Variants in SP100 observed in about 807,000 individuals in gnomAD.
The protein encoded by SP100 is SP100 nuclear body protein.
SP100 carries 84 observed loss-of-function variants against 130.0 expected under a neutral mutation model. The observed-to-expected ratio is 0.65, with a 90% confidence interval of 0.54 to 0.77. SP100 has a LOEUF of 0.77. SP100 is among the 30% of genes least tolerant of loss of function. The pLI is 0.00. For synonymous variants in SP100, 331 were observed against 351.7 expected (o/e 0.94, Z 0.66); for missense variants, 978 against 1,052.2 (o/e 0.93, Z 0.97).
intron 17 of SP100, among the ~76,000 whole-genome samples, chr2:230,487,672 C>T (rs374037599): frequency 3.9e-5 from 6 of 152,006 alleles, no homozygotes; most frequent in Admixed American, 2.0e-4. Flanking sequence ...TTCTTTGATT[C>T]CAAATGAAAT....
intron 24 of SP100, 128 bp from the exon 25 acceptor site, chr2:230,539,139 C>G: frequency 1.7e-6 from 1 of 600,970 alleles, no homozygotes; most frequent in Non-Finnish European, 3.0e-6. Context: ...TCTGAGATCT[C>G]CACTCAGCAA....
intron 17 of SP100, among the ~76,000 whole-genome samples, chr2:230,476,847 G>A (rs1467638868): frequency 6.6e-6 from 1 of 152,016 alleles, no homozygotes; most frequent in Admixed American, 6.6e-5. Flanking sequence ...AATGCTCTGT[G>A]TTTCTTTGTT....
chr2:230,493,683 G>A (rs763451224), intron 17 of SP100: 1 of 150,388 alleles, frequency 6.6e-6, no homozygotes, highest in African/African-American at 2.5e-5. Flanking sequence ...CTTAAGTTCT[G>A]GCTGTTATAA....
At chr2:230,502,585 A>G (rs2067097918) in intron 19 of SP100, among the ~76,000 whole-genome samples, 1 of 152,202 alleles carries the variant, frequency 6.6e-6, no homozygotes, top group Admixed American at 6.5e-5. Flanking sequence ...CTGGCATACA[A>G]CAAGCACTGA....
chr2:230,503,229 CG>C, intron 20 of SP100, 119 bp downstream of exon 20: 1 of 607,158 alleles, frequency 1.6e-6, no homozygotes, highest in Middle Eastern at 4.7e-4. Flanking sequence ...GGAGCCTTAA[CG>C]TTGACCAGCA....
chr2:230,418,143 T>C (rs781167473), intron 2 of SP100, among the ~76,000 whole-genome samples: 128 of 152,322 alleles, frequency 8.4e-4, no homozygotes, highest in Non-Finnish European at 1.6e-3. Context: ...TATTCTTACA[T>C]TGGAGCCACT....
intron 2 of SP100, among the ~76,000 whole-genome samples, chr2:230,441,799 T>C (rs908279646): frequency 7.2e-5 from 11 of 152,064 alleles, no homozygotes; most frequent in African/African-American, 2.7e-4. Context: ...AACACATCAG[T>C]TTTTGGCTCT....
At position 230,464,146 on chromosome 2, in the gene SP100, A is replaced by G; in HGVS notation, c.1137A>G (p.Val379=). The change falls in exon 11 of 29, where the codon GTA becomes GTG. Residue 379 remains valine, a synonymous_variant. Coordinates refer to ENST00000340126, the MANE Select transcript of SP100 (RefSeq NM_001080391.2). The part of the protein sequence containing the change: ...QEATCSRPQI[V]PEPMDFRKLS... ...CCACTTGCTCACGACCCCAGATTGT[A>G]CCAGGTAAGAATATTAGAGTTGCAA... The G allele has an allele frequency of 6.3e-7, 1 of 1,598,710 alleles. No homozygotes were observed. Among genetic ancestry groups the G allele is most frequent in the East Asian group, 2.2e-5 (1 of 44,814 alleles).
chr2:230,472,427 CAAAAA>C (rs201703163), intron 15 of SP100, among the ~76,000 whole-genome samples: 1 of 61,330 alleles, frequency 1.6e-5, no homozygotes, highest in African/African-American at 8.4e-5. Flanking sequence ...GACTCCGTCT[CAAAAA>C]AAAAAAAAAA....
chr2:230,469,743 T>G, intron 14 of SP100: 1 of 1,300,214 alleles, frequency 7.7e-7, no homozygotes, highest in Admixed American at 2.9e-5. Context: ...CCCAATGAAA[T>G]GGATGATTTA....
At chr2:230,481,604 A>C (rs1381891979) in intron 17 of SP100, among the ~76,000 whole-genome samples, 1 of 152,108 alleles carries the variant, frequency 6.6e-6, no homozygotes, top group Admixed American at 6.5e-5. Flanking sequence ...TGCCCACTAG[A>C]ACCTATTCTC....
Position 230,498,511 on chromosome 2 carries a change from C to T in SP100, c.1696C>T (p.Gln566Ter), listed in dbSNP as rs1166856179. ...ACATTTAACTCTGAATAACAAAGTCCAAAAGAAAAGATGGCAACAAAGAGG... is the reference window on the plus strand; with the variant it reads ...ACATTTAACTCTGAATAACAAAGTCTAAAAGAAAAGATGGCAACAAAGAGG... ...RKHLTLNNKV[Q>*]KKRWQQRGRK... The change falls in exon 19 of 29, where the codon CAA becomes TAA. Residue 566 changes from glutamine to a stop codon, truncating the protein, a stop_gained. Coordinates refer to ENST00000340126, the MANE Select transcript of SP100 (RefSeq NM_001080391.2). LOFTEE classifies it high-confidence loss of function. The T allele has an allele frequency of 6.8e-7, 1 of 1,476,544 alleles. No individual in the cohort carries two copies. The highest frequency in any genetic ancestry group is 8.9e-7 in the Non-Finnish European group (1 of 1,117,734). 91.5% of individuals were successfully genotyped at this position (1,476,544 alleles called of 1,614,324 possible).
At chr2:230,539,479 A>T in intron 25 of SP100, 97 bp downstream of exon 25, 1 of 796,646 alleles carries the variant, frequency 1.3e-6, no homozygotes, top group South Asian at 1.5e-5. Context: ...GTACCTGGTT[A>T]TGTGTTTCTT....
chr2:230,441,759 G>A (rs572895875), intron 2 of SP100, among the ~76,000 whole-genome samples: 14 of 152,204 alleles, frequency 9.2e-5, no homozygotes, highest in African/African-American at 3.1e-4. Context: ...TGACGGGCAG[G>A]GCACACACTG....
At chr2:230,472,157 AGTGACTCATGCCT>A (rs1297402735) in intron 15 of SP100, among the ~76,000 whole-genome samples, 1 of 152,162 alleles carries the variant, frequency 6.6e-6, no homozygotes, top group Non-Finnish European at 1.5e-5. Flanking sequence ...GGCCAGGCGC[AGTGACTCATGCCT>A]GTAATCCCAG....
At chr2:230,523,119 C>T (rs1240294168) in intron 24 of SP100, among the ~76,000 whole-genome samples, 1 of 152,156 alleles carries the variant, frequency 6.6e-6, no homozygotes, top group Non-Finnish European at 1.5e-5. Context: ...GAGATTTGGC[C>T]TTTAAAAATC....
Position 230,514,267 on chromosome 2 carries a change from A to G in SP100, c.2094+3101A>G, listed in dbSNP as rs76448260. Among the ~76,000 whole-genome samples, 887 of 152,362 alleles carry G rather than the reference A, an allele frequency of 5.8e-3. 36 individuals are homozygous for G. Among genetic ancestry groups the G allele is most frequent in the Admixed American group, 0.055 (838 of 15,298 alleles). ...TTTTACTTTTCTTGGAAGAAATAAA[A>G]CAATGAGTGATTCACAGCATTAATA... On this transcript the variant is annotated intron_variant, in intron 24 of 28. Coordinates refer to ENST00000340126, the MANE Select transcript of SP100 (RefSeq NM_001080391.2).
chr2:230,459,451 C>CA (rs1466336138), intron 8 of SP100, among the ~76,000 whole-genome samples: 1 of 152,188 alleles, frequency 6.6e-6, no homozygotes, highest in Non-Finnish European at 1.5e-5. Flanking sequence ...CTCCATGGCT[C>CA]AATCACCATC....
intron 24 of SP100, chr2:230,538,393 G>A (rs1692033283): frequency 6.6e-6 from 1 of 152,066 alleles, no homozygotes; most frequent in African/African-American, 2.4e-5. Context: ...GGTCAGCATC[G>A]ATGAGTCTCA....
Sources: allele counts gnomAD v4.1 joint callset (sites outside exome capture counted in the v4.1 genomes callset), GRCh38; gene constraint gnomAD v4.1.1; transcripts MANE v1.5; gene names NCBI Gene and HGNC (gene_info 2026-07-23, HGNC 2026-07-21).